The following GRID2 variants were observed in gnomAD, a reference collection of about 807,000 sequenced individuals.
GRID2 encodes the protein glutamate ionotropic receptor delta type subunit 2.
In GRID2, 33 loss-of-function variants were observed where a neutral mutation model predicts 114.8. That is an observed-to-expected ratio of 0.29 (90% confidence interval 0.22 to 0.38). GRID2 has a LOEUF of 0.38. Among genes scored for constraint, GRID2 ranks in the 10% least tolerant of loss-of-function variants. GRID2 has a pLI of 1.00. For missense variants in GRID2, 1,184 were observed against 1,257.7 expected, an observed-to-expected ratio of 0.94 and a Z score of 0.89; for synonymous variants, 505 against 449.9, an observed-to-expected ratio of 1.12 and a Z score of -1.55.
At chr4:92,776,540 T>C (rs1738804605) in intron 2 of GRID2, among the ~76,000 whole-genome samples, 2 of 152,064 alleles carry the variant, frequency 1.3e-5, no homozygotes, top group African/African-American at 4.8e-5. Flanking sequence ...GATTACATTA[T>C]TGAGTTGCAT....
intron 2 of GRID2, among the ~76,000 whole-genome samples, chr4:92,875,155 T>TG (rs1477787897): frequency 2.8e-5 from 4 of 142,324 alleles, no homozygotes; most frequent in South Asian, 4.5e-4. Flanking sequence ...AAAGGTTTTT[T>TG]TTTTTTTTTT....
intron 11 of GRID2, among the ~76,000 whole-genome samples, chr4:93,487,611 T>C (rs952102666): frequency 6.6e-6 from 1 of 151,926 alleles, no homozygotes; most frequent in African/African-American, 2.4e-5. Context: ...GGACCCCAGT[T>C]TTATTACCAC....
chr4:92,479,370 C>G (rs574293661), intron 1 of GRID2, among the ~76,000 whole-genome samples: 51 of 152,048 alleles, frequency 3.4e-4, no homozygotes, highest in Admixed American at 3.2e-3. Flanking sequence ...AAAATTTTAC[C>G]TATTACAAAC....
At chr4:92,901,745 G>A (rs1235891179) in intron 2 of GRID2, among the ~76,000 whole-genome samples, 1 of 151,962 alleles carries the variant, frequency 6.6e-6, no homozygotes, top group African/African-American at 2.4e-5. Flanking sequence ...TTTATTTTAT[G>A]ATGTGCTGTT....
At chr4:93,057,689 G>A (rs1727392551) in intron 2 of GRID2, among the ~76,000 whole-genome samples, 1 of 151,844 alleles carries the variant, frequency 6.6e-6, no homozygotes, top group Admixed American at 6.6e-5. Flanking sequence ...GGGAAGAAGA[G>A]TATTTGTTTA....
intron 2 of GRID2, among the ~76,000 whole-genome samples, chr4:92,645,109 T>G (rs568825471): frequency 1.3e-5 from 2 of 151,748 alleles, no homozygotes; most frequent in African/African-American, 4.8e-5. Flanking sequence ...GTATTTAAAC[T>G]TTCAATCTTC....
intron 1 of GRID2, among the ~76,000 whole-genome samples, chr4:92,506,060 C>A (rs1187198664): frequency 6.6e-6 from 1 of 151,962 alleles, no homozygotes; most frequent in Non-Finnish European, 1.5e-5. Flanking sequence ...ATATTGAATT[C>A]ATGGACTATT....
At chr4:92,722,433 C>T (rs1258832514) in intron 2 of GRID2, among the ~76,000 whole-genome samples, 1 of 152,000 alleles carries the variant, frequency 6.6e-6, no homozygotes, top group African/African-American at 2.4e-5. Flanking sequence ...TTATCTTACT[C>T]CTGAGAATGA....
chr4:92,348,303 G>A (rs1419770284), intron 1 of GRID2, among the ~76,000 whole-genome samples: 1 of 152,048 alleles, frequency 6.6e-6, no homozygotes, highest in African/African-American at 2.4e-5. Flanking sequence ...AGTTCTTAAC[G>A]TTTCAACCTT....
At chr4:92,666,045 G>A (rs919995977) in intron 2 of GRID2, among the ~76,000 whole-genome samples, 1 of 151,278 alleles carries the variant, frequency 6.6e-6, no homozygotes, top group African/African-American at 2.4e-5. Context: ...CTACTATAAT[G>A]TGTATATTGG....
intron 2 of GRID2, among the ~76,000 whole-genome samples, chr4:92,865,635 C>T (rs1744802724): frequency 6.6e-6 from 1 of 152,136 alleles, no homozygotes; most frequent in African/African-American, 2.4e-5. Flanking sequence ...TATGTTGTGA[C>T]TCAATTCACT....
In GRID2 at chr4:93,131,619, T is replaced by A. The variant is rs189381675; in HGVS notation, c.735+20666T>A. On this transcript the variant is annotated intron_variant, in intron 4 of 15. Coordinates refer to ENST00000282020, the MANE Select transcript of GRID2 (RefSeq NM_001510.4). ...ATTAAAAATTTTATTTAAATTTTTTTATTTTTATTTTTAATTTTTATAGAT... is the reference window on the plus strand; with the variant it reads ...ATTAAAAATTTTATTTAAATTTTTTAATTTTTATTTTTAATTTTTATAGAT... Among the ~76,000 whole-genome samples the A allele has an allele frequency of 6.6e-5, 10 of 151,746 alleles. No homozygotes were observed. In the East Asian group the frequency reaches 1.2e-3, roughly 18 times the overall value.
At chr4:93,741,174 C>CATACATATATAT (rs1731345934) in intron 14 of GRID2, among the ~76,000 whole-genome samples, 2 of 41,240 alleles carry the variant, frequency 4.8e-5, no homozygotes, top group Non-Finnish European at 8.2e-5. Context: ...TATATATATA[C>CATACATATATAT]ATATATATAT....
intron 2 of GRID2, among the ~76,000 whole-genome samples, chr4:92,716,957 T>A (rs573146717): frequency 1.3e-5 from 2 of 152,300 alleles, no homozygotes; most frequent in African/African-American, 2.4e-5. Flanking sequence ...ATGACAAGAA[T>A]CATAAATATT....
chr4:92,935,309 G>C (rs1312332555), intron 2 of GRID2, among the ~76,000 whole-genome samples: 1 of 147,370 alleles, frequency 6.8e-6, no homozygotes, highest in Non-Finnish European at 1.5e-5. Context: ...GGCCATCAGA[G>C]AAATGCAAAT....
At chr4:92,829,932 G>A (rs1389476689) in intron 2 of GRID2, among the ~76,000 whole-genome samples, 2 of 150,364 alleles carry the variant, frequency 1.3e-5, no homozygotes, top group Admixed American at 6.6e-5. Context: ...GGGCCTGTCA[G>A]GGGTGGGGAC....
intron 2 of GRID2, among the ~76,000 whole-genome samples, chr4:92,839,528 A>C (rs1742730290): frequency 6.6e-6 from 1 of 150,922 alleles, no homozygotes; most frequent in Non-Finnish European, 1.5e-5. Flanking sequence ...TTTCTTTAAA[A>C]ACTTTTTAAA....
At chr4:93,692,087 A>T (rs745565849) in intron 14 of GRID2, among the ~76,000 whole-genome samples, 2 of 152,130 alleles carry the variant, frequency 1.3e-5, no homozygotes, top group Non-Finnish European at 2.9e-5. Flanking sequence ...TACATAGAAC[A>T]TGTATTCAAA....
chr4:92,776,625 G>C (rs574590186), intron 2 of GRID2, among the ~76,000 whole-genome samples: 32 of 152,096 alleles, frequency 2.1e-4, no homozygotes, highest in Non-Finnish European at 4.1e-4. Context: ...GATCTACCAA[G>C]AAAGTAAATG....
Sources: allele counts gnomAD v4.1 joint callset (sites outside exome capture counted in the v4.1 genomes callset), GRCh38; gene constraint gnomAD v4.1.1; transcripts MANE v1.5; gene names NCBI Gene and HGNC (gene_info 2026-07-23, HGNC 2026-07-21).